Variants in NR6A1 observed in about 807,000 individuals in gnomAD.
NR6A1 encodes nuclear receptor subfamily 6 group A member 1, also known as retinoic acid receptor-related testis-associated receptor.
NR6A1 carries 7 observed loss-of-function variants against 59.1 expected under a neutral mutation model. That is an observed-to-expected ratio of 0.12 (90% CI 0.07 to 0.22). The LOEUF is 0.22. Ranked by LOEUF, NR6A1 falls within the 10% of genes least tolerant of loss-of-function variation. NR6A1 has a pLI of 1.00. For missense variants in NR6A1, 468 were observed against 611.6 expected (o/e 0.77, Z 2.48); for synonymous variants, 243 against 236.1 (o/e 1.03, Z -0.27).
chr9:124,703,799 T>C (rs907703750), intron 2 of NR6A1, among the ~76,000 whole-genome samples: 1 of 151,100 alleles, frequency 6.6e-6, no homozygotes, highest in African/African-American at 2.4e-5. Flanking sequence ...TCTAAAAGAA[T>C]TTGTTAAGGA....
At position 124,748,762 on chromosome 9, in the gene NR6A1, G is replaced by A. The variant is rs922992267; in HGVS notation, c.101-15413C>T. ...CGCCTGTAGTCCCAGCTATTCGGGA[G>A]GCTGAGGCAGGAGAATGGCATGAAC... On this transcript the variant is annotated intron_variant, in intron 1 of 9. Coordinates refer to ENST00000487099, the MANE Select transcript of NR6A1 (RefSeq NM_033334.4). 3.0e-4 allele frequency among the ~76,000 whole-genome samples: 46 copies of A among 151,982 alleles called. 1 individual carries two copies. Among genetic ancestry groups the A allele is most frequent in the Admixed American group, 2.8e-3 (42 of 15,272 alleles).
At chr9:124,600,969 T>A (rs1835428293) in intron 2 of NR6A1, among the ~76,000 whole-genome samples, 4 of 144,976 alleles carry the variant, frequency 2.8e-5, no homozygotes, top group Admixed American at 6.8e-5. Context: ...AAAAAAAGAC[T>A]ACAGAGTGTG....
At chr9:124,524,959 G>A in intron 8 of NR6A1, 86 bp from the exon 9 acceptor site, 3 of 1,419,178 alleles carry the variant, frequency 2.1e-6, no homozygotes. Flanking sequence ...CCTTAAATAT[G>A]TTCATTTTTC....
intron 1 of NR6A1, among the ~76,000 whole-genome samples, chr9:124,737,015 T>C (rs1840038418): frequency 6.6e-6 from 1 of 151,836 alleles, no homozygotes; most frequent in Non-Finnish European, 1.5e-5. Context: ...TATTAAACCA[T>C]TCATGGCATC....
intron 2 of NR6A1, among the ~76,000 whole-genome samples, chr9:124,557,686 T>C (rs1056315968): frequency 5.3e-5 from 8 of 152,026 alleles, no homozygotes; most frequent in Admixed American, 6.5e-5. Flanking sequence ...AGCATAAAAA[T>C]AGCACCCACT....
chr9:124,648,282 G>A (rs184639935), intron 2 of NR6A1, among the ~76,000 whole-genome samples: 28 of 152,130 alleles, frequency 1.8e-4, no homozygotes, highest in Non-Finnish European at 3.7e-4. Flanking sequence ...AGGACTGCTC[G>A]AGTCCAGGAG....
intron 2 of NR6A1, among the ~76,000 whole-genome samples, chr9:124,706,349 A>G (rs1839132524): frequency 6.6e-6 from 1 of 152,120 alleles, no homozygotes; most frequent in Admixed American, 6.5e-5. Flanking sequence ...ACTGTTCATC[A>G]TTTCTTCTTA....
intron 6 of NR6A1, among the ~76,000 whole-genome samples, chr9:124,537,134 C>T (rs943707368): frequency 6.7e-6 from 1 of 149,560 alleles, no homozygotes; most frequent in Non-Finnish European, 1.5e-5. Context: ...AGTGCAGTGG[C>T]GCAATCTCGG....
At chr9:124,765,981 T>C (rs1336668470) in intron 1 of NR6A1, among the ~76,000 whole-genome samples, 1 of 152,230 alleles carries the variant, frequency 6.6e-6, no homozygotes, top group Non-Finnish European at 1.5e-5. Flanking sequence ...CTAACACCCT[T>C]GTCTTTTTCT....
At chr9:124,633,050 C>A (rs1309369854) in intron 2 of NR6A1, among the ~76,000 whole-genome samples, 1 of 152,098 alleles carries the variant, frequency 6.6e-6, no homozygotes, top group South Asian at 2.1e-4. Flanking sequence ...TGCTTCAGTG[C>A]CAATTTCTTA....
chr9:124,601,456 C>T (rs554022948), intron 2 of NR6A1, among the ~76,000 whole-genome samples: 7 of 151,272 alleles, frequency 4.6e-5, no homozygotes, highest in South Asian at 2.1e-4. Context: ...TCATGGCGGG[C>T]GCCTGTAGTC....
chr9:124,586,817 A>G (rs905404420), intron 2 of NR6A1, among the ~76,000 whole-genome samples: 2 of 152,214 alleles, frequency 1.3e-5, no homozygotes, highest in African/African-American at 4.8e-5. Context: ...TTCTTTGTAG[A>G]TGGAATCTAC....
At position 124,771,133 on chromosome 9, in the gene NR6A1, G is replaced by C; in HGVS notation, c.-14C>G. 1 of 1,218,094 alleles carries C rather than the reference G, an allele frequency of 8.2e-7. No individual in the cohort carries two copies. Among genetic ancestry groups the C allele is most frequent in the Non-Finnish European group, 1.0e-6 (1 of 975,364 alleles). The allele number at this position is 1,218,094 out of a possible 1,614,324, so 75.5% of individuals were successfully genotyped here. ...GTCCCGCTCCATGCGGTGGTGCCTA[G>C]GGTCCGCGCCGGGTTTGTTGCTCCG... On this transcript the variant is annotated 5_prime_UTR_variant, in exon 1 of 10. Coordinates refer to ENST00000487099, the MANE Select transcript of NR6A1 (RefSeq NM_033334.4).
intron 1 of NR6A1, among the ~76,000 whole-genome samples, chr9:124,769,294 T>G (rs1443371876): frequency 6.6e-6 from 1 of 152,092 alleles, no homozygotes; most frequent in Non-Finnish European, 1.5e-5. Context: ...ATCATTATTT[T>G]TAAGATCAGC....
intron 2 of NR6A1, among the ~76,000 whole-genome samples, chr9:124,722,861 C>A (rs1839602412): frequency 6.6e-6 from 1 of 152,032 alleles, no homozygotes; most frequent in African/African-American, 2.4e-5. Context: ...ACTGGGACTA[C>A]AGGTACACGC....
At chr9:124,718,647 A>G (rs927880183) in intron 2 of NR6A1, among the ~76,000 whole-genome samples, 3 of 152,108 alleles carry the variant, frequency 2.0e-5, no homozygotes, top group African/African-American at 7.2e-5. Flanking sequence ...GAGATAATGA[A>G]AGATACCCTG....
In NR6A1 at chr9:124,590,208, C is replaced by T. The variant is rs1000220919; in HGVS notation, c.143-35638G>A. ...ACAGAGAAACAGAAAAATGAGGTTT[C>T]GACTCTCTCTACATTTTTGCCAATT... On this transcript the variant is annotated intron_variant, in intron 2 of 9. Coordinates refer to ENST00000487099, the MANE Select transcript of NR6A1 (RefSeq NM_033334.4). Among the ~76,000 whole-genome samples the T allele has an allele frequency of 2.6e-5, 4 of 151,538 alleles. No homozygotes were observed. The East Asian group carries it at 5.8e-4, about 22-fold the overall frequency.
intron 2 of NR6A1, among the ~76,000 whole-genome samples, chr9:124,693,299 A>T (rs76138173): frequency 0.017 from 2,586 of 152,318 alleles, 68 homozygotes; most frequent in African/African-American, 0.059. Context: ...TTGTACCATT[A>T]CTAGCCCACA....
chr9:124,754,955 T>C lies in NR6A1; in HGVS notation c.100+16065A>G, dbSNP rs1840596237. On this transcript the variant is annotated intron_variant, in intron 1 of 9. Coordinates refer to ENST00000487099, the MANE Select transcript of NR6A1 (RefSeq NM_033334.4). ...TATCTCCACCCCCCTTCCACTCAAC[T>C]GTCAAAAAAATACATTAAAAAATCA... Among the ~76,000 whole-genome samples, 8 of 152,210 alleles carry C rather than the reference T, an allele frequency of 5.3e-5. No homozygotes were observed. In the South Asian group the frequency reaches 1.7e-3, roughly 32 times the overall value.
Sources: allele counts gnomAD v4.1 joint callset (sites outside exome capture counted in the v4.1 genomes callset), GRCh38; gene constraint gnomAD v4.1.1; transcripts MANE v1.5; gene names NCBI Gene and HGNC (gene_info 2026-07-23, HGNC 2026-07-21).